The following STPG2 variants were observed in gnomAD, a reference collection of about 807,000 sequenced individuals.
STPG2 encodes sperm-tail PG-rich repeat-containing protein 2.
Under a neutral mutation model 54.2 loss-of-function variants are expected in STPG2, and 56 were observed. The observed-to-expected ratio is 1.03, with a 90% CI of 0.83 to 1.29. The LOEUF (loss-of-function observed/expected upper bound fraction) is 1.29, where lower values mean the gene tolerates loss of function less well. STPG2 is among the 50% of genes most tolerant of loss of function. The pLI is 0.00. For missense variants in STPG2, 596 were observed against 544.9 expected, an observed-to-expected ratio of 1.09 and a Z score of -0.93; for synonymous variants, 200 against 181.8, an observed-to-expected ratio of 1.10 and a Z score of -0.81.
chr4:97,815,107 C>A (rs1206596906), intron 9 of STPG2, among the ~76,000 whole-genome samples: 1 of 152,106 alleles, frequency 6.6e-6, no homozygotes, highest in Non-Finnish European at 1.5e-5. Flanking sequence ...GGTAAAGAAC[C>A]ATGACTAGCT....
chr4:97,913,519 A>G (rs955024227), intron 8 of STPG2, among the ~76,000 whole-genome samples: 1 of 152,176 alleles, frequency 6.6e-6, no homozygotes, highest in Non-Finnish European at 1.5e-5. Context: ...TAACCTATAG[A>G]ACAGCTCCTC....
At chr4:97,738,014 T>C (rs920230870) in intron 9 of STPG2, among the ~76,000 whole-genome samples, 13 of 152,170 alleles carry the variant, frequency 8.5e-5, no homozygotes, top group South Asian at 8.3e-4. Flanking sequence ...GCGGATCTCT[T>C]GGCAGAAACT....
rs576824416 is a variant in STPG2, at chr4:98,025,765, C to A, written c.613-44447G>T. 21 of 1,566,072 alleles carry A rather than the reference C, an allele frequency of 1.3e-5. No individual in the cohort carries two copies. In the South Asian group the frequency reaches 2.1e-4, roughly 16 times the overall value. ...ATGAAGGCCAAGTGGAGGTGACTGG[C>A]GATGAATACAATGTGGAAAGCATTG... On this transcript the variant is annotated intron_variant, in intron 5 of 10. Transcript: ENST00000295268.
chr4:97,450,403 A>G (rs762887431), intron 4 of STPG2, among the ~76,000 whole-genome samples: 1 of 152,208 alleles, frequency 6.6e-6, no homozygotes, highest in Non-Finnish European at 1.5e-5. Flanking sequence ...ACCAATAATG[A>G]GATAATCATA....
At chr4:97,861,447 G>C (rs1729534295) in intron 8 of STPG2, among the ~76,000 whole-genome samples, 1 of 152,040 alleles carries the variant, frequency 6.6e-6, no homozygotes, top group African/African-American at 2.4e-5. Flanking sequence ...TTCCTAAAAA[G>C]TACTAAAAAT....
At chr4:97,955,563 A>G (rs1328455637) in intron 7 of STPG2, among the ~76,000 whole-genome samples, 1 of 152,134 alleles carries the variant, frequency 6.6e-6, no homozygotes, top group African/African-American at 2.4e-5. Flanking sequence ...AATAGTTCTA[A>G]CACATATATT....
At chr4:98,072,570 TAATAAAATAA>T (rs10646385) in intron 5 of STPG2, among the ~76,000 whole-genome samples, 4,143 of 144,936 alleles carry the variant, frequency 0.029, 200 homozygotes, top group African/African-American at 0.097. Flanking sequence ...GAAGGGAAAA[TAATAAAATAA>T]AATAAAATAA....
chr4:98,019,289 C>T (rs575622745), intron 5 of STPG2, among the ~76,000 whole-genome samples: 10 of 152,128 alleles, frequency 6.6e-5, no homozygotes, highest in Non-Finnish European at 1.3e-4. Context: ...TTTCCCATTG[C>T]TTGTTTTTGT....
rs191306233 is a variant in STPG2 at position 97,942,591 on chromosome 4, A to G, written c.1044+1306T>C. On this transcript the variant is annotated intron_variant, in intron 8 of 10. Coordinates refer to ENST00000295268, the MANE Select transcript of STPG2 (RefSeq NM_174952.3). ...CAATAATGCCTCAGAAAAAAAAATAATAAGTCCACTCCTGAATAGCTTTCA... is the reference window on the plus strand; with the variant it reads ...CAATAATGCCTCAGAAAAAAAAATAGTAAGTCCACTCCTGAATAGCTTTCA... Among the ~76,000 whole-genome samples the G allele has an allele frequency of 2.0e-4, 31 of 152,238 alleles. 1 individual carries two copies. The East Asian group carries it at 5.2e-3, about 26-fold the overall frequency.
chr4:97,559,130 A>C lies in STPG2; in HGVS notation c.1321-13T>G. 1 of 1,562,812 alleles carries C rather than the reference A, an allele frequency of 6.4e-7. No homozygotes were observed. The highest frequency in any genetic ancestry group is 8.7e-7 in the Non-Finnish European group (1 of 1,151,530). On this transcript the variant is annotated splice_polypyrimidine_tract_variant and intron_variant, in intron 10 of 10. Transcript: ENST00000295268. ...TCTCCTGGGATATCTGTTTAATAAG[A>C]ATGAGAAAAAAAGGAGGAAAACATC...
chr4:98,114,859 G>T, intron 3 of STPG2, among the ~76,000 whole-genome samples: 1 of 151,532 alleles, frequency 6.6e-6, no homozygotes, highest in Non-Finnish European at 1.5e-5. Context: ...AACCTCTGCG[G>T]TACTCAGGTA....
At position 97,905,806 on chromosome 4, in the gene STPG2, C is replaced by T. The variant is rs569240818; in HGVS notation, c.1044+38091G>A. On this transcript the variant is annotated intron_variant, in intron 8 of 10. Transcript: ENST00000295268. ...ATAAAAAAAGGCAGGAGTTGCAATTCTTTGAAACCAACGAGAACAAAGACA... is the reference window on the plus strand; with the variant it reads ...ATAAAAAAAGGCAGGAGTTGCAATTTTTTGAAACCAACGAGAACAAAGACA... Among the ~76,000 whole-genome samples the T allele has an allele frequency of 6.6e-4, 100 of 152,058 alleles. 1 individual carries two copies. Among genetic ancestry groups the T allele is most frequent in the Non-Finnish European group, 1.4e-3 (93 of 68,012 alleles).
intron 10 of STPG2, among the ~76,000 whole-genome samples, chr4:97,639,551 A>T (rs1578446133): frequency 6.6e-6 from 1 of 152,226 alleles, no homozygotes. Flanking sequence ...CAAAAGTCTT[A>T]AGACAAAATT....
rs555604785 is a variant in STPG2, at chr4:97,893,763, CATT to C, written c.1044+50131_1044+50133del. On this transcript the variant is annotated intron_variant, in intron 8 of 10. Transcript: ENST00000295268. The stretch of plus-strand genomic sequence containing the variant: ...CAACTACATGTAGTTACAAATGGTA[CATT>C]ATTATAACAGAAGATTCAGAGGTTC... 1.7e-3 allele frequency among the ~76,000 whole-genome samples: 259 copies of C among 152,014 alleles called. 2 individuals are homozygous for C. Among genetic ancestry groups the C allele is most frequent in the African/African-American group, 5.8e-3 (241 of 41,500 alleles).
At chr4:97,804,036 T>C (rs929620442) in intron 9 of STPG2, among the ~76,000 whole-genome samples, 1 of 152,210 alleles carries the variant, frequency 6.6e-6, no homozygotes, top group African/African-American at 2.4e-5. Flanking sequence ...CTGTAGCAGT[T>C]ATCTCTGACA....
intron 8 of STPG2, among the ~76,000 whole-genome samples, chr4:97,880,337 G>C (rs1436341158): frequency 1.3e-5 from 2 of 152,114 alleles, no homozygotes; most frequent in African/African-American, 4.8e-5. Context: ...CAATAAAAAA[G>C]CAGAGCAAGC....
chr4:97,743,254 T>A (rs1725323554), intron 9 of STPG2, among the ~76,000 whole-genome samples: 1 of 151,718 alleles, frequency 6.6e-6, no homozygotes, highest in Non-Finnish European at 1.5e-5. Context: ...GGTTAGTTTA[T>A]TATTCTCCAC....
rs539259223 is a variant in STPG2 at position 97,525,736 on chromosome 4, G to A, written c.462+186963C>T. Among the ~76,000 whole-genome samples the A allele has an allele frequency of 9.2e-5, 14 of 151,898 alleles. 1 individual carries two copies. The East Asian group carries it at 2.7e-3, about 29-fold the overall frequency. On this transcript the variant is annotated intron_variant, in intron 4 of 4. Transcript: ENST00000522676. Reference sequence around the variant, plus strand: ...TAAGCTGATAAATTTGGCCCACAAGGACATTAAAGGAACAATTCTAAGTAT... The same window carrying A: ...TAAGCTGATAAATTTGGCCCACAAGAACATTAAAGGAACAATTCTAAGTAT...
At chr4:97,817,234 T>C (rs1344587608) in intron 9 of STPG2, among the ~76,000 whole-genome samples, 1 of 149,892 alleles carries the variant, frequency 6.7e-6, no homozygotes, top group Non-Finnish European at 1.5e-5. Flanking sequence ...ATTCAATTAG[T>C]GTGTATATAT....
Sources: allele counts gnomAD v4.1 joint callset (sites outside exome capture counted in the v4.1 genomes callset), GRCh38; gene constraint gnomAD v4.1.1; transcripts MANE v1.5; gene names NCBI Gene and HGNC (gene_info 2026-07-23, HGNC 2026-07-21).